IL17RD: variants seen among roughly 807,000 people sequenced by gnomAD.
IL17RD encodes the protein interleukin-17 receptor D.
Under a neutral mutation model 80.5 loss-of-function variants are expected in IL17RD, and 52 were observed. The ratio of observed to expected loss-of-function variants is 0.65; its 90% confidence interval spans 0.52 to 0.81. The LOEUF is 0.81. Among genes scored for constraint, IL17RD ranks in the 40% least tolerant of loss-of-function variants. The pLI, the probability that IL17RD is intolerant of heterozygous loss-of-function variation, is 0.00. For missense variants in IL17RD, 1,024 were observed against 955.1 expected (o/e 1.07, Z -0.95); for synonymous variants, 416 against 391.8 (o/e 1.06, Z -0.73).
upstream of IL17RD, among the ~76,000 whole-genome samples, chr3:57,170,043 C>T (rs2060362663): frequency 6.6e-6 from 1 of 152,218 alleles, no homozygotes; most frequent in Non-Finnish European, 1.5e-5. Flanking sequence ...AGGCCCCAGA[C>T]TCAGCTGATT....
At position 57,100,441 on chromosome 3, in the gene IL17RD, T is replaced by TA. The variant is rs143324369; in HGVS notation, c.1164+737dup. On this transcript the variant is annotated intron_variant, in intron 11 of 12. Coordinates refer to ENST00000296318, the MANE Select transcript of IL17RD (RefSeq NM_017563.5). ...TGCATGAGAGTTTCAGACTTCACTC[T>TA]AAAAATGTACATTCTGACATTATAG... Among the ~76,000 whole-genome samples, 121 of 152,356 alleles carry TA rather than the reference T, an allele frequency of 7.9e-4. No individual in the cohort carries two copies. The East Asian group carries it at 0.021, about 26-fold the overall frequency.
chr3:57,142,169 G>A (rs1386828), intron 1 of IL17RD, among the ~76,000 whole-genome samples: 37,486 of 152,098 alleles, frequency 0.25, 5,767 homozygotes, highest in African/African-American at 0.41. Context: ...CTAGCTAAAG[G>A]TTTTCAAATC....
chr3:57,140,114 G>A (rs1707802209), intron 1 of IL17RD, among the ~76,000 whole-genome samples: 1 of 152,192 alleles, frequency 6.6e-6, no homozygotes, highest in Non-Finnish European at 1.5e-5. Context: ...GCTGTGCTCA[G>A]AGCTCACAAT....
intron 11 of IL17RD, among the ~76,000 whole-genome samples, chr3:57,099,248 C>T (rs1390647749): frequency 6.6e-6 from 1 of 152,186 alleles, no homozygotes; most frequent in Non-Finnish European, 1.5e-5. Context: ...TATGGCTTCA[C>T]ACAGGTATAC....
chr3:57,125,762 A>G (rs1707446717), intron 1 of IL17RD, among the ~76,000 whole-genome samples: 3 of 152,222 alleles, frequency 2.0e-5, no homozygotes, highest in African/African-American at 7.2e-5. Flanking sequence ...CAGATGGTCA[A>G]GGAGGCCTAG....
chr3:57,127,412 A>AT (rs58398251), intron 1 of IL17RD, among the ~76,000 whole-genome samples: 2,177 of 91,168 alleles, frequency 0.024, 193 homozygotes, highest in Non-Finnish European at 0.03. Context: ...ATATATATAT[A>AT]TTTTTTTTTT....
rs539868558 is a variant in IL17RD at position 57,159,466 on chromosome 3, T to C, written c.126+5695A>G. 3.9e-5 allele frequency among the ~76,000 whole-genome samples: 6 copies of C among 152,304 alleles called. No homozygotes were observed. The East Asian group carries it at 9.6e-4, about 24-fold the overall frequency. On this transcript the variant is annotated intron_variant, in intron 1 of 12. Transcript: ENST00000296318. ...TCCCACCGGGAAGAGCTTCAAAGGCTGTGGGCCCCGGAGGAGACAATGTGT... is the reference window on the plus strand; with the variant it reads ...TCCCACCGGGAAGAGCTTCAAAGGCCGTGGGCCCCGGAGGAGACAATGTGT...
At chr3:57,118,634 C>G (rs1707268088) in intron 2 of IL17RD, among the ~76,000 whole-genome samples, 1 of 152,152 alleles carries the variant, frequency 6.6e-6, no homozygotes, top group African/African-American at 2.4e-5. Context: ...AAGCACCCCC[C>G]ACATGCCCTT....
rs1359450213 is a variant in IL17RD, at chr3:57,127,207, TAA to T, written c.127-6896_127-6895del. On this transcript the variant is annotated intron_variant, in intron 1 of 12. Transcript: ENST00000296318. ...ATATATATATATATATAAATATATA[TAA>T]AAATATATATAAATATATATAAAAA... Among the ~76,000 whole-genome samples, 478 of 109,138 alleles carry T rather than the reference TAA, an allele frequency of 4.4e-3. 35 individuals are homozygous for T. The highest frequency in any genetic ancestry group is 0.023 in the African/African-American group (449 of 19,494). The allele number at this position is 109,138 out of a possible 152,430, so 71.6% of individuals were successfully genotyped here. A position where few individuals can be genotyped will look rare whatever the true frequency, so the allele number is the denominator to read the frequency against.
chr3:57,117,867 C>A (rs1707250733), intron 2 of IL17RD, among the ~76,000 whole-genome samples: 1 of 152,148 alleles, frequency 6.6e-6, no homozygotes, highest in Non-Finnish European at 1.5e-5. Context: ...CTTCAAACGT[C>A]TCAGGAGTCA....
chr3:57,135,002 G>A (rs575087955), intron 1 of IL17RD, among the ~76,000 whole-genome samples: 7 of 152,132 alleles, frequency 4.6e-5, no homozygotes, highest in Non-Finnish European at 8.8e-5. Flanking sequence ...CAGCTACTTG[G>A]GAGGTTGATA....
Position 57,098,315 on chromosome 3 carries a change from T to G in IL17RD, c.1388A>C (p.Gln463Pro). Reference protein sequence around the residue: ...AVSAIAEKLRQAKQSSSAALS... With the variant: ...AVSAIAEKLRPAKQSSSAALS... ...CGCCGCGGACGAACTCTGCTTGGCC[T>G]GGCGGAGCTTTTCGGCAATGGCTGA... is the stretch of plus-strand genomic sequence containing the variant. Residue 463 changes from glutamine to proline, a missense_variant, in exon 12 of 13, where the codon CAG (glutamine) becomes CCG (proline). Gln to Pro is a moderately conservative substitution (Grantham distance 76). Coordinates refer to ENST00000296318, the MANE Select transcript of IL17RD (RefSeq NM_017563.5). 1 of 1,614,050 alleles carries G rather than the reference T, an allele frequency of 6.2e-7. No individual in the cohort carries two copies. The highest frequency in any genetic ancestry group is 1.6e-4 in the Middle Eastern group (1 of 6,062).
chr3:57,120,240 A>T lies in IL17RD; in HGVS notation c.184+16T>A. On this transcript the variant is annotated intron_variant, in intron 2 of 12. Transcript: ENST00000296318. ...TCAAAGGGCTCCATTCTTCAGCAAT[A>T]AAGGCGGTTACTTACTGTCATATTT... The T allele has an allele frequency of 6.3e-7, 1 of 1,596,346 alleles. No homozygotes were observed. The highest frequency in any genetic ancestry group is 8.6e-7 in the Non-Finnish European group (1 of 1,163,762).
chr3:57,135,108 AAAACAAACAAAAAC>A (rs1275421546), intron 1 of IL17RD, among the ~76,000 whole-genome samples: 3 of 150,262 alleles, frequency 2.0e-5, no homozygotes, highest in Admixed American at 6.7e-5. Context: ...ACCTTGTCTC[AAAACAAACAAAAAC>A]AAACAAACAA....
chr3:57,122,740 CTTTTT>C (rs754491969), intron 1 of IL17RD, among the ~76,000 whole-genome samples: 5 of 117,052 alleles, frequency 4.3e-5, no homozygotes, highest in Non-Finnish European at 6.8e-5. Flanking sequence ...CCTCAACTGT[CTTTTT>C]TTTTTTTTTT....
intron 1 of IL17RD, among the ~76,000 whole-genome samples, chr3:57,148,571 C>A (rs1707985212): frequency 6.6e-6 from 1 of 152,152 alleles, no homozygotes; most frequent in African/African-American, 2.4e-5. Flanking sequence ...GTCCACACTC[C>A]CTGAATCTCA....
chr3:57,135,365 G>C (rs1210505077), intron 1 of IL17RD, among the ~76,000 whole-genome samples: 2 of 152,264 alleles, frequency 1.3e-5, no homozygotes, highest in African/African-American at 4.8e-5. Flanking sequence ...CCAACTGCCT[G>C]CGAAGTGGTG....
intron 1 of IL17RD, among the ~76,000 whole-genome samples, chr3:57,152,979 T>C (rs548679665): frequency 1.3e-5 from 2 of 152,294 alleles, no homozygotes; most frequent in Admixed American, 1.3e-4. Context: ...TCATTCCCCG[T>C]CTCTGAGGGC....
At chr3:57,146,301 C>T (rs1008355180) in intron 1 of IL17RD, among the ~76,000 whole-genome samples, 4 of 152,140 alleles carry the variant, frequency 2.6e-5, no homozygotes, top group Admixed American at 6.5e-5. Flanking sequence ...CTCTACTAAG[C>T]GACATTTCGC....
Sources: allele counts gnomAD v4.1 joint callset (sites outside exome capture counted in the v4.1 genomes callset), GRCh38; gene constraint gnomAD v4.1.1; transcripts MANE v1.5; gene names NCBI Gene and HGNC (gene_info 2026-07-23, HGNC 2026-07-21).